The following OSBPL7 variants were observed in gnomAD, a reference collection of about 807,000 sequenced individuals.
OSBPL7 encodes the protein oxysterol-binding protein-related protein 7.
In OSBPL7, 66 loss-of-function variants were observed where a neutral mutation model predicts 115.8. That is an observed-to-expected ratio of 0.57 (90% confidence interval 0.47 to 0.70). The LOEUF is 0.70. Ranked by LOEUF, OSBPL7 falls within the 30% of genes least tolerant of loss-of-function variation. The pLI is 0.00. For missense variants in OSBPL7, 902 were observed against 1,125.5 expected (o/e 0.80, Z 2.84); for synonymous variants, 441 against 439.2 (o/e 1.00, Z -0.05).
intron 14 of OSBPL7, 111 bp from the exon 15 acceptor site, chr17:47,813,945 G>T (rs766503510): frequency 7.3e-7 from 1 of 1,361,810 alleles, no homozygotes; most frequent in Non-Finnish European, 9.7e-7. Context: ...TGGGACATTC[G>T]CCCCTGAGCC....
At chr17:47,821,475 C>T (rs566114185) in intron 1 of OSBPL7, among the ~76,000 whole-genome samples, 191 bp downstream of exon 1, 67 of 152,316 alleles carry the variant, frequency 4.4e-4, no homozygotes, top group East Asian at 1.3e-3. Flanking sequence ...GCCCTTCTCC[C>T]GGCCCTGTGG....
chr17:47,812,708 G>T (rs62076105), intron 16 of OSBPL7, among the ~76,000 whole-genome samples: 1 of 152,220 alleles, frequency 6.6e-6, no homozygotes, highest in Non-Finnish European at 1.5e-5. Context: ...TAGCTCTACA[G>T]AGATGACAGG....
chr17:47,819,224 A>C lies in OSBPL7; in HGVS notation c.256-125T>G, dbSNP rs560925580. On this transcript the variant is annotated intron_variant, in intron 4 of 22. Coordinates refer to ENST00000007414, the MANE Select transcript of OSBPL7 (RefSeq NM_145798.3). The stretch of plus-strand genomic sequence containing the variant: ...GGTGGCAGGTTCACCCTCATGTCCA[A>C]GTCACACTATCAGTAGAGACTTGTC... 90 of 708,690 alleles carry C rather than the reference A, an allele frequency of 1.3e-4. 2 individuals are homozygous for C. In the South Asian group the frequency reaches 1.3e-3, roughly 11 times the overall value. 43.9% of individuals were successfully genotyped at this position (708,690 alleles called of 1,614,324 possible).
intron 19 of OSBPL7, 25 bp from the exon 20 acceptor site, chr17:47,809,245 G>T (rs759701665): frequency 6.2e-7 from 1 of 1,613,622 alleles, no homozygotes; most frequent in Admixed American, 1.7e-5. Flanking sequence ...GCAGGGTTTA[G>T]GGAGGTGTCC....
Position 47,813,347 on chromosome 17 carries a change from G to C in OSBPL7, c.1656C>G (p.Gly552=). Reference sequence around the variant, plus strand: ...CCAGGACAGGGTTGAAGGGCTTGCAGCCGGCTCGGTGGTATGTGGAGGAGT... The same window carrying C: ...CCAGGACAGGGTTGAAGGGCTTGCACCCGGCTCGGTGGTATGTGGAGGAGT... ...SAYSSTYHRA[G]CKPFNPVLGE... Residue 552 remains glycine (G), a synonymous_variant, in exon 16 of 23, where the codon GGC becomes GGG. Coordinates refer to ENST00000007414, the MANE Select transcript of OSBPL7 (RefSeq NM_145798.3). 1 of 1,614,118 alleles carries C rather than the reference G, an allele frequency of 6.2e-7. No individual in the cohort carries two copies.
rs1302240728 is a variant in OSBPL7, at chr17:47,814,765, C to T, written c.1258-151G>A. The T allele has an allele frequency of 8.9e-6, 6 of 673,924 alleles. No individual in the cohort carries two copies. The East Asian group carries it at 1.7e-4, about 19-fold the overall frequency. The allele number at this position is 673,924 out of a possible 1,614,324, so 41.7% of individuals were successfully genotyped here. On this transcript the variant is annotated intron_variant, in intron 13 of 22. Transcript: ENST00000007414. Reference sequence around the variant, plus strand: ...GGCACTCTGAGCCCTAAGACATTGCCCCGGGATGCCTGGCATCACGGAGTG... The same window carrying T: ...GGCACTCTGAGCCCTAAGACATTGCTCCGGGATGCCTGGCATCACGGAGTG...
chr17:47,815,052 C>T, intron 13 of OSBPL7, 163 bp downstream of exon 13: 1 of 938,502 alleles, frequency 1.1e-6, no homozygotes, highest in Non-Finnish European at 1.6e-6. Flanking sequence ...GCAGAGATTT[C>T]TGAGCTGGGC....
chr17:47,811,706 C>T (rs1004867095), intron 16 of OSBPL7, among the ~76,000 whole-genome samples: 3 of 152,230 alleles, frequency 2.0e-5, no homozygotes, highest in African/African-American at 7.2e-5. Context: ...GGGGGCGATT[C>T]CTTCTGTCTG....
chr17:47,818,438 C>T, intron 6 of OSBPL7, 52 bp from the exon 7 acceptor site: 1 of 1,596,022 alleles, frequency 6.3e-7, no homozygotes, highest in African/African-American at 1.3e-5. Context: ...CCCTGGGTCT[C>T]ACAGTTCTCC....
At chr17:47,819,458 C>T (rs1423283267) in intron 4 of OSBPL7, 2 of 582,232 alleles carry the variant, frequency 3.4e-6, no homozygotes, top group Non-Finnish European at 6.1e-6. Context: ...GTAAAGCCCC[C>T]ATTTCTTGGG....
In OSBPL7 at chr17:47,808,968, C is replaced by T. The variant is rs1374244023; in HGVS notation, c.2193G>A (p.Glu731=). Residue 731 remains glutamate, a synonymous_variant, in exon 21 of 23, where the codon GAG becomes GAA. Coordinates refer to ENST00000007414, the MANE Select transcript of OSBPL7 (RefSeq NM_145798.3). This position sits in a 1 kb window ranked among gnomAD's most constrained non-coding sequence, Gnocchi z 6.1. ...CAAACTGGGTGAAGCCGAAGTTTCG[C>T]TCATGGTCGGGGGGCATTGAGTCTG... The part of the protein sequence containing the change: ...WKPNSMPPDH[E]RNFGFTQFAL... 6.2e-7 allele frequency: 1 copy of T among 1,614,148 alleles called. No homozygotes were observed. The highest frequency in any genetic ancestry group is 8.5e-7 in the Non-Finnish European group (1 of 1,180,046).
chr17:47,810,924 A>C, intron 16 of OSBPL7, 89 bp from the exon 17 acceptor site: 1 of 1,302,862 alleles, frequency 7.7e-7, no homozygotes, highest in Non-Finnish European at 1.1e-6. Context: ...AGTTCCCCTA[A>C]GTACCACAAG....
rs768921334 is a variant in OSBPL7 at position 47,813,661 on chromosome 17, G to A, written c.1525C>T (p.Arg509Trp). The A allele has an allele frequency of 3.1e-6, 5 of 1,613,248 alleles. No individual in the cohort carries two copies. Among genetic ancestry groups the A allele is most frequent in the Admixed American group, 1.7e-5 (1 of 60,022 alleles). The change falls in exon 15 of 23, where the codon CGG becomes TGG. Residue 509 changes from arginine to tryptophan, a missense_variant. This residue lies in a region of OSBPL7 where 667 missense variants were observed against 788.7 expected (regional missense o/e 0.85). Coordinates refer to ENST00000007414, the MANE Select transcript of OSBPL7 (RefSeq NM_145798.3). ...QLNEPLNTLQ[R>W]LCEELEYSSL... The stretch of plus-strand genomic sequence containing the variant: ...CTGTACTCCAGCTCCTCGCAGAGCC[G>A]CTGCAGAGTGTTGAGCGGCTCGTTG...
Position 47,816,220 on chromosome 17 carries a change from G to C in OSBPL7, c.1024-18C>G. On this transcript the variant is annotated intron_variant, in intron 11 of 22. Coordinates refer to ENST00000007414, the MANE Select transcript of OSBPL7 (RefSeq NM_145798.3). This position sits in a 1 kb window ranked among gnomAD's most constrained non-coding sequence, Gnocchi z 5.8. ...TCAGAGACCTGCAGGGAGAGGGTGAGGGACACGGTGCCAGGAGGATGAGGT... is the reference window on the plus strand; with the variant it reads ...TCAGAGACCTGCAGGGAGAGGGTGACGGACACGGTGCCAGGAGGATGAGGT... 1 of 1,545,588 alleles carries C rather than the reference G, an allele frequency of 6.5e-7. No homozygotes were observed. Among genetic ancestry groups the C allele is most frequent in the Non-Finnish European group, 8.7e-7 (1 of 1,143,624 alleles).
chr17:47,811,048 A>C (rs2033025286), intron 16 of OSBPL7, among the ~76,000 whole-genome samples: 1 of 151,790 alleles, frequency 6.6e-6, no homozygotes. Context: ...GCTCTTCCTC[A>C]GAAGCTCCCC....
chr17:47,809,132 C>T lies in OSBPL7; in HGVS notation c.2114G>A (p.Trp705Ter). Residue 705 changes from tryptophan (W) to a stop codon, truncating the protein, a stop_gained, in exon 20 of 23, where the codon TGG becomes TAG. Coordinates refer to ENST00000007414, the MANE Select transcript of OSBPL7 (RefSeq NM_145798.3). LOFTEE classifies it high-confidence loss of function. ...GGGTCCCCGGTACAGCCCCTCGTGC[C>T]ACTTCCCAAAGAGTCGGTGGAGGAC... Reference protein sequence around the residue: ...GRVLHRLFGKWHEGLYRGPTP... With the variant: ...GRVLHRLFGK The T allele has an allele frequency of 5.6e-6, 9 of 1,614,202 alleles. No individual in the cohort carries two copies. The highest frequency in any genetic ancestry group is 7.6e-6 in the Non-Finnish European group (9 of 1,180,044).
Position 47,809,323 on chromosome 17 carries a change from G to A in OSBPL7, c.2025+11C>T. ...GGGGATGGATGGGCAGGGTCAGGGT[G>A]GCACACACACCTTGCAGAAGGTGAT... is the stretch of plus-strand genomic sequence containing the variant. On this transcript the variant is annotated intron_variant, in intron 19 of 22. Coordinates refer to ENST00000007414, the MANE Select transcript of OSBPL7 (RefSeq NM_145798.3). 1 of 1,613,708 alleles carries A rather than the reference G, an allele frequency of 6.2e-7. No homozygotes were observed.
rs780988868 is a variant in OSBPL7, at chr17:47,815,371, G to A, written c.1120-19C>T. 4 of 1,612,702 alleles carry A rather than the reference G, an allele frequency of 2.5e-6. No homozygotes were observed. In the East Asian group the frequency reaches 6.7e-5, roughly 27 times the overall value. On this transcript the variant is annotated intron_variant, in intron 12 of 22. Coordinates refer to ENST00000007414, the MANE Select transcript of OSBPL7 (RefSeq NM_145798.3). The stretch of plus-strand genomic sequence containing the variant: ...CTTCTTGCTGTGGGAGCAGCCAGAT[G>A]GATGTCAGGCTCCGGGGCCAAGCCG...
At position 47,808,097 on chromosome 17, in the gene OSBPL7, C is replaced by T; in HGVS notation, c.*194G>A. The T allele has an allele frequency of 3.4e-6, 2 of 590,672 alleles. No homozygotes were observed. Among genetic ancestry groups the T allele is most frequent in the Non-Finnish European group, 3.0e-6 (1 of 330,808 alleles). 36.6% of individuals were successfully genotyped at this position (590,672 alleles called of 1,614,324 possible). On this transcript the variant is annotated 3_prime_UTR_variant, in exon 23 of 23. Coordinates refer to ENST00000007414, the MANE Select transcript of OSBPL7 (RefSeq NM_145798.3). This position sits in a 1 kb window ranked among gnomAD's most constrained non-coding sequence, Gnocchi z 6.1. ...GACTGGGGAAGCACAGATTCTGCTT[C>T]TCACCCCAAACGGTGGGGTTGGGGG...
Sources: allele counts gnomAD v4.1 joint callset (sites outside exome capture counted in the v4.1 genomes callset), GRCh38; gene constraint gnomAD v4.1.1; regional missense constraint gnomAD v4.1.1; non-coding constraint Gnocchi (gnomAD v3.1); transcripts MANE v1.5; gene names NCBI Gene and HGNC (gene_info 2026-07-23, HGNC 2026-07-21).